The following ITGA9 variants were observed in gnomAD, a reference collection of about 807,000 sequenced individuals.
The protein encoded by ITGA9 is integrin alpha-9.
Under a neutral mutation model 127.8 loss-of-function variants are expected in ITGA9, and 56 were observed. That is an observed-to-expected ratio of 0.44 (90% confidence interval 0.35 to 0.55). The LOEUF (loss-of-function observed/expected upper bound fraction) is 0.55. ITGA9 is among the 20% of genes least tolerant of loss of function. ITGA9 has a pLI of 0.00. For missense variants in ITGA9, 1,196 were observed against 1,347.1 expected (o/e 0.89, Z 1.76); for synonymous variants, 508 against 514.5 (o/e 0.99, Z 0.17).
chr3:37,572,842 G>A (rs1699615139), intron 15 of ITGA9, among the ~76,000 whole-genome samples: 1 of 152,162 alleles, frequency 6.6e-6, no homozygotes, highest in African/African-American at 2.4e-5. Context: ...ACCTGTTACT[G>A]CTTTCATCAT....
Position 37,748,454 on chromosome 3 carries a change from AAAAG to A in ITGA9, c.2434-2005_2434-2002del, listed in dbSNP as rs1696535296. 6.8e-6 allele frequency: 4 copies of A among 587,388 alleles called. No homozygotes were observed. The Admixed American group carries it at 8.7e-5, about 13-fold the overall frequency. 36.4% of individuals were successfully genotyped at this position (587,388 alleles called of 1,614,324 possible). A position where few individuals can be genotyped will look rare whatever the true frequency, so the allele number is the denominator to read the frequency against. On this transcript the variant is annotated intron_variant, in intron 22 of 27. Coordinates refer to ENST00000264741, the MANE Select transcript of ITGA9 (RefSeq NM_002207.3). ...AAACACGTGAAGGAAAATGATCAGA[AAAAG>A]AAGGAAGCTGGCGGCACAGTAGCTC...
chr3:37,801,777 C>A (rs1003585878), intron 26 of ITGA9, among the ~76,000 whole-genome samples: 2 of 152,186 alleles, frequency 1.3e-5, no homozygotes, highest in African/African-American at 4.8e-5. Context: ...TGTGCATTAC[C>A]CCTTTTCAAT....
At chr3:37,770,738 A>T (rs1024484011) in intron 23 of ITGA9, among the ~76,000 whole-genome samples, 1 of 152,072 alleles carries the variant, frequency 6.6e-6, no homozygotes, top group Non-Finnish European at 1.5e-5. Flanking sequence ...TGAACAGGGG[A>T]TTCTTTATCC....
intron 15 of ITGA9, among the ~76,000 whole-genome samples, chr3:37,554,217 AGGC>A (rs1193860162): frequency 6.6e-6 from 1 of 152,092 alleles, no homozygotes; most frequent in African/African-American, 2.4e-5. Context: ...TTGGGAGTGC[AGGC>A]ATGGGGTTAT....
At chr3:37,542,881 G>A (rs1377839273) in intron 15 of ITGA9, among the ~76,000 whole-genome samples, 4 of 151,964 alleles carry the variant, frequency 2.6e-5, no homozygotes, top group Non-Finnish European at 5.9e-5. Context: ...CCTCTATGAG[G>A]CTTGGTAGCC....
chr3:37,809,332 T>C (rs1299440848), intron 27 of ITGA9, among the ~76,000 whole-genome samples: 5 of 152,144 alleles, frequency 3.3e-5, no homozygotes, highest in African/African-American at 1.2e-4. Flanking sequence ...GCGATCTGCC[T>C]GCCTTGGCCT....
intron 15 of ITGA9, among the ~76,000 whole-genome samples, chr3:37,565,561 G>A (rs1040438710): frequency 1.8e-4 from 28 of 152,246 alleles, no homozygotes; most frequent in African/African-American, 6.3e-4. Context: ...CAGATCATGG[G>A]TGGTGGGTAC....
At chr3:37,592,968 A>C (rs920488296) in intron 15 of ITGA9, among the ~76,000 whole-genome samples, 1 of 152,208 alleles carries the variant, frequency 6.6e-6, no homozygotes, top group Non-Finnish European at 1.5e-5. Flanking sequence ...AAACCATAGC[A>C]CCTGATGAAA....
At chr3:37,797,271 AG>A (rs1697184920) in intron 26 of ITGA9, among the ~76,000 whole-genome samples, 1 of 152,090 alleles carries the variant, frequency 6.6e-6, no homozygotes, top group Admixed American at 6.6e-5. Context: ...CAAGTGATTG[AG>A]GCTATAGTAT....
chr3:37,575,265 A>G (rs530355867), intron 15 of ITGA9, among the ~76,000 whole-genome samples: 1 of 152,250 alleles, frequency 6.6e-6, no homozygotes, highest in Non-Finnish European at 1.5e-5. Context: ...GAGTGCCGCA[A>G]GGAGGAGGAG....
chr3:37,465,233 C>T (rs2125549777), intron 1 of ITGA9, among the ~76,000 whole-genome samples: 1 of 152,282 alleles, frequency 6.6e-6, no homozygotes, highest in East Asian at 1.9e-4. Context: ...TTCTCTGTCA[C>T]CCGCTCTCCA....
chr3:37,505,854 A>C, intron 6 of ITGA9, 146 bp from the exon 7 acceptor site: 1 of 703,100 alleles, frequency 1.4e-6, no homozygotes, highest in South Asian at 1.5e-5. Flanking sequence ...TCAGCATGAG[A>C]AGGTTGACAG....
At chr3:37,496,312 A>G (rs1225253328) in intron 5 of ITGA9, among the ~76,000 whole-genome samples, 1 of 152,146 alleles carries the variant, frequency 6.6e-6, no homozygotes, top group Non-Finnish European at 1.5e-5. Flanking sequence ...AATCATTTTT[A>G]TGACAGTCGA....
chr3:37,591,988 C>A (rs1271170366), intron 15 of ITGA9, among the ~76,000 whole-genome samples: 1 of 152,070 alleles, frequency 6.6e-6, no homozygotes, highest in African/African-American at 2.4e-5. Flanking sequence ...GTTTTGGAGC[C>A]CTGAACTTAG....
At chr3:37,589,738 C>T (rs543787489) in intron 15 of ITGA9, among the ~76,000 whole-genome samples, 2 of 152,260 alleles carry the variant, frequency 1.3e-5, no homozygotes, top group African/African-American at 4.8e-5. Flanking sequence ...CAGGGACAGT[C>T]AGGAGGCCAG....
intron 18 of ITGA9, among the ~76,000 whole-genome samples, chr3:37,700,168 G>A (rs1700930599): frequency 6.6e-6 from 1 of 152,096 alleles, no homozygotes; most frequent in South Asian, 2.1e-4. Context: ...CTTTTTAGTA[G>A]AGATGGGGTT....
At chr3:37,487,939 A>T (rs756145666) in intron 4 of ITGA9, among the ~76,000 whole-genome samples, 3 of 152,314 alleles carry the variant, frequency 2.0e-5, no homozygotes, top group South Asian at 2.1e-4. Flanking sequence ...TCTGTAGACA[A>T]GTCCCAGTAG....
At chr3:37,586,495 C>G (rs910768084) in intron 15 of ITGA9, among the ~76,000 whole-genome samples, 1 of 152,178 alleles carries the variant, frequency 6.6e-6, no homozygotes, top group South Asian at 2.1e-4. Flanking sequence ...TTACAGGTCA[C>G]GAAGTCTCTT....
At chr3:37,492,332 A>T (rs1698681883) in intron 4 of ITGA9, among the ~76,000 whole-genome samples, 1 of 152,268 alleles carries the variant, frequency 6.6e-6, no homozygotes, top group South Asian at 2.1e-4. Flanking sequence ...CCAGGCCCTC[A>T]GACCTCTGGT....
Sources: allele counts gnomAD v4.1 joint callset (sites outside exome capture counted in the v4.1 genomes callset), GRCh38; gene constraint gnomAD v4.1.1; transcripts MANE v1.5; gene names NCBI Gene and HGNC (gene_info 2026-07-23, HGNC 2026-07-21).